Variants in RAI14 observed in about 807,000 individuals in gnomAD.
RAI14 encodes ankycorbin.
Under a neutral mutation model 115.4 loss-of-function variants are expected in RAI14, and 45 were observed. The observed-to-expected ratio is 0.39, with a 90% CI of 0.31 to 0.50. The LOEUF is 0.50. RAI14 is among the 20% of genes least tolerant of loss of function. RAI14 has a pLI of 0.85. For synonymous variants in RAI14, 371 were observed against 415.4 expected, an observed-to-expected ratio of 0.89 and a Z score of 1.30; for missense variants, 939 against 1,131.2, an observed-to-expected ratio of 0.83 and a Z score of 2.44.
At chr5:34,656,559 C>G (rs975756552) in intron 1 of RAI14, 84 bp downstream of exon 1, 6 of 152,120 alleles carry the variant, frequency 3.9e-5, no homozygotes, top group Non-Finnish European at 7.3e-5. Context: ...AGCTCGGGCG[C>G]GGGAGGCGCT....
chr5:34,810,640 G>A (rs940717213), intron 7 of RAI14, among the ~76,000 whole-genome samples: 5 of 152,098 alleles, frequency 3.3e-5, no homozygotes, highest in African/African-American at 4.8e-5. Context: ...TTCTGGTGTC[G>A]TGCGGAGACA....
At chr5:34,694,382 A>T (rs1738978032) in intron 2 of RAI14, among the ~76,000 whole-genome samples, 2 of 152,170 alleles carry the variant, frequency 1.3e-5, no homozygotes, top group Non-Finnish European at 2.9e-5. Flanking sequence ...GGAGGTGGTT[A>T]TTTTCAACTA....
At position 34,832,135 on chromosome 5, in the gene RAI14, C is replaced by G. The variant is rs1232086943; in HGVS notation, c.*1370C>G. 1.3e-5 allele frequency: 2 copies of G among 152,514 alleles called. No homozygotes were observed. Among genetic ancestry groups the G allele is most frequent in the African/African-American group, 4.8e-5 (2 of 41,550 alleles). The allele number at this position is 152,514 out of a possible 1,614,324, so 9.4% of individuals were successfully genotyped here. On this transcript the variant is annotated 3_prime_UTR_variant, in exon 18 of 18. Transcript: ENST00000265109. ...GAGAGAGACAGAATCCTGGACTCTC[C>G]AAAGTATTTAACTGAAAGTAGGGCC... is the stretch of plus-strand genomic sequence containing the variant.
chr5:34,781,643 G>A (rs1580239498), intron 3 of RAI14, among the ~76,000 whole-genome samples: 2 of 152,236 alleles, frequency 1.3e-5, no homozygotes, highest in Admixed American at 1.3e-4. Flanking sequence ...ATTGCTGATA[G>A]AGATGTTAAA....
chr5:34,807,976 T>C (rs191527235), intron 6 of RAI14, 119 bp downstream of exon 6: 2 of 818,660 alleles, frequency 2.4e-6, no homozygotes, highest in Admixed American at 4.0e-5. Context: ...TCATCATTTC[T>C]AAACATTCCC....
At chr5:34,826,738 T>C (rs116029141) in intron 16 of RAI14, among the ~76,000 whole-genome samples, 309 of 152,338 alleles carry the variant, frequency 2.0e-3, no homozygotes, top group African/African-American at 7.2e-3. Flanking sequence ...GAGGAGGCTA[T>C]GTGCTCACTC....
At position 34,823,144 on chromosome 5, in the gene RAI14, G is replaced by A. The variant is rs372957699; in HGVS notation, c.1302G>A (p.Leu434=). ...ACAATGATGTCAGAATTCAGCAACT[G>A]CAAGAGATTTTGCAAGATCTACAGA... is the stretch of plus-strand genomic sequence containing the variant. ...TTDNDVRIQQ[L]QEILQDLQKR... The change falls in exon 15 of 18, where the codon CTG becomes CTA. Residue 434 remains leucine (L), a synonymous_variant. Coordinates refer to ENST00000265109, the MANE Select transcript of RAI14 (RefSeq NM_015577.3). The surrounding 1 kb of genome is among the most constrained non-coding windows in gnomAD (Gnocchi z 4.5). 1.9e-6 allele frequency: 3 copies of A among 1,613,060 alleles called. No homozygotes were observed. The highest frequency in any genetic ancestry group is 2.5e-6 in the Non-Finnish European group (3 of 1,179,068).
chr5:34,761,666 G>A (rs1361202570), intron 3 of RAI14, among the ~76,000 whole-genome samples: 1 of 152,106 alleles, frequency 6.6e-6, no homozygotes, highest in East Asian at 1.9e-4. Flanking sequence ...AGGTCAGAAC[G>A]TCCACCTGTG....
chr5:34,667,130 C>G (rs1431049905), intron 1 of RAI14: 1 of 152,196 alleles, frequency 6.6e-6, no homozygotes, highest in East Asian at 1.9e-4. Flanking sequence ...ACACATTATA[C>G]TTTTCTGTTT....
chr5:34,789,865 G>T (rs943140080), intron 3 of RAI14, among the ~76,000 whole-genome samples: 2 of 152,170 alleles, frequency 1.3e-5, no homozygotes, highest in African/African-American at 4.8e-5. Flanking sequence ...AATAAGTAAG[G>T]AAGCATAGAT....
intron 3 of RAI14, among the ~76,000 whole-genome samples, chr5:34,762,740 T>C (rs1748811476): frequency 6.6e-6 from 1 of 152,144 alleles, no homozygotes; most frequent in Admixed American, 6.5e-5. Context: ...GAGGTCAATG[T>C]CCTCAAACCT....
At chr5:34,701,611 G>A (rs1029582097) in intron 2 of RAI14, among the ~76,000 whole-genome samples, 21 of 152,096 alleles carry the variant, frequency 1.4e-4, no homozygotes, top group African/African-American at 3.1e-4. Context: ...TCCCCCGCCC[G>A]CCTTACAGTT....
At chr5:34,730,755 G>A (rs1181574099) in intron 2 of RAI14, among the ~76,000 whole-genome samples, 1 of 151,918 alleles carries the variant, frequency 6.6e-6, no homozygotes, top group African/African-American at 2.4e-5. Context: ...GGCCGAGGCA[G>A]GAGGATCACT....
intron 5 of RAI14, among the ~76,000 whole-genome samples, chr5:34,805,225 GTTC>G (rs201668007): frequency 0.017 from 2,543 of 152,266 alleles, 53 homozygotes; most frequent in African/African-American, 0.057. Flanking sequence ...CATTCAGATT[GTTC>G]TTCTTCCTGG....
Position 34,824,092 on chromosome 5 carries a change from A to T in RAI14, c.2250A>T (p.Lys750Asn). The T allele has an allele frequency of 1.2e-6, 2 of 1,614,218 alleles. No homozygotes were observed. Among genetic ancestry groups the T allele is most frequent in the Non-Finnish European group, 1.7e-6 (2 of 1,180,028 alleles). The change falls in exon 15 of 18, where the codon AAA becomes AAT. Residue 750 changes from lysine (K) to asparagine (N), a missense_variant. Physicochemically the swap from Lys to Asn is moderately conservative, Grantham distance 94 (BLOSUM62 0). Transcript: ENST00000265109. ...CTGCAGCAAAAGAGATGGAAGAAAA[A>T]ATAAGCAATCTTAAGGAACACCTTG... ...LRTAAKEMEEKISNLKEHLAS... is the reference protein window; with the variant it reads ...LRTAAKEMEENISNLKEHLAS...
At position 34,765,035 on chromosome 5, in the gene RAI14, C is replaced by A. The variant is rs374099811; in HGVS notation, c.167+7437C>A. Reference sequence around the variant, plus strand: ...ATTTTAGTAGGGGTTTTTGCTTTTGCTTCTTCCTCATTTTTCTCTTGCCGT... The same window carrying A: ...ATTTTAGTAGGGGTTTTTGCTTTTGATTCTTCCTCATTTTTCTCTTGCCGT... On this transcript the variant is annotated intron_variant, in intron 3 of 17. Coordinates refer to ENST00000265109, the MANE Select transcript of RAI14 (RefSeq NM_015577.3). Among the ~76,000 whole-genome samples the A allele has an allele frequency of 5.3e-5, 8 of 152,282 alleles. No individual in the cohort carries two copies. In the South Asian group the frequency reaches 1.7e-3, roughly 32 times the overall value.
chr5:34,741,274 ATT>A (rs894089002), intron 2 of RAI14, among the ~76,000 whole-genome samples: 2 of 152,222 alleles, frequency 1.3e-5, no homozygotes, highest in African/African-American at 4.8e-5. Context: ...GGCATCCCCT[ATT>A]TTACAATGGA....
chr5:34,821,148 G>C (rs1756783692), intron 13 of RAI14, among the ~76,000 whole-genome samples: 1 of 152,200 alleles, frequency 6.6e-6, no homozygotes, highest in Non-Finnish European at 1.5e-5. Flanking sequence ...GGAATTTGGA[G>C]ATTATTTTTG....
chr5:34,702,365 A>G (rs1740182366), intron 2 of RAI14, among the ~76,000 whole-genome samples: 2 of 152,162 alleles, frequency 1.3e-5, no homozygotes, highest in Admixed American at 1.3e-4. Flanking sequence ...TTGTATTCCC[A>G]TCTATTCAGG....
Sources: allele counts gnomAD v4.1 joint callset (sites outside exome capture counted in the v4.1 genomes callset), GRCh38; gene constraint gnomAD v4.1.1; non-coding constraint Gnocchi (gnomAD v3.1); transcripts MANE v1.5; gene names NCBI Gene and HGNC (gene_info 2026-07-23, HGNC 2026-07-21).